KIF21A: variants seen among roughly 807,000 people sequenced by gnomAD.
The protein encoded by KIF21A is kinesin family member 21A, also known as kinesin-like protein KIF21A.
Under a neutral mutation model 202.9 loss-of-function variants are expected in KIF21A, and 114 were observed. That is an observed-to-expected ratio of 0.56 (90% CI 0.48 to 0.66). KIF21A has a LOEUF of 0.66. KIF21A is among the 30% of genes least tolerant of loss of function. KIF21A has a pLI of 0.00. For missense variants in KIF21A, 1,677 were observed against 1,994.9 expected (o/e 0.84, Z 3.04); for synonymous variants, 667 against 670.8 (o/e 0.99, Z 0.09).
chr12:39,324,329 A>G (rs1227542342), intron 26 of KIF21A, among the ~76,000 whole-genome samples: 1 of 152,160 alleles, frequency 6.6e-6, no homozygotes. Context: ...TTAGGCCACC[A>G]CTTCACATCT....
chr12:39,305,315 G>A (rs1351219993), intron 34 of KIF21A, among the ~76,000 whole-genome samples: 1 of 147,450 alleles, frequency 6.8e-6, no homozygotes, highest in East Asian at 2.1e-4. Flanking sequence ...GCAGCAAGCC[G>A]AGATTGAGCC....
intron 1 of KIF21A, among the ~76,000 whole-genome samples, chr12:39,391,951 G>A (rs1566121138): frequency 6.6e-6 from 1 of 152,122 alleles, no homozygotes; most frequent in Non-Finnish European, 1.5e-5. Flanking sequence ...TCTCGGCCAA[G>A]CTGGTCTTGA....
chr12:39,428,967 A>C (rs1334077014), intron 1 of KIF21A, among the ~76,000 whole-genome samples: 1 of 152,106 alleles, frequency 6.6e-6, no homozygotes, highest in Non-Finnish European at 1.5e-5. Context: ...AAAAAAAAAA[A>C]AAAAAGGACT....
chr12:39,299,729 A>G (rs1468442664), intron 37 of KIF21A, among the ~76,000 whole-genome samples: 11 of 152,238 alleles, frequency 7.2e-5, no homozygotes, highest in Admixed American at 7.2e-4. Flanking sequence ...AGATTGGATA[A>G]AGAAAATGTG....
intron 24 of KIF21A, 123 bp downstream of exon 24, chr12:39,330,119 A>T (rs1946380237): frequency 1.2e-6 from 1 of 848,340 alleles, no homozygotes; most frequent in East Asian, 2.5e-5. Flanking sequence ...TTCAAAAAAG[A>T]TCATGCAAAA....
At chr12:39,335,500 A>G (rs1946887829) in intron 17 of KIF21A, among the ~76,000 whole-genome samples, 1 of 151,730 alleles carries the variant, frequency 6.6e-6, no homozygotes, top group Non-Finnish European at 1.5e-5. Flanking sequence ...GACAAAATGT[A>G]GATTAGTGGC....
At chr12:39,436,661 T>C (rs1397219875) in intron 1 of KIF21A, among the ~76,000 whole-genome samples, 1 of 143,854 alleles carries the variant, frequency 7.0e-6, no homozygotes, top group Non-Finnish European at 1.5e-5. Context: ...AAGAACAAGG[T>C]AACCTCAAAA....
chr12:39,380,893 T>C (rs1769794335), intron 1 of KIF21A, among the ~76,000 whole-genome samples: 1 of 152,224 alleles, frequency 6.6e-6, no homozygotes, highest in South Asian at 2.1e-4. Context: ...TACATTCCTA[T>C]ACCAATTATA....
At chr12:39,385,793 A>T (rs572315244) in intron 1 of KIF21A, among the ~76,000 whole-genome samples, 80 of 152,330 alleles carry the variant, frequency 5.3e-4, no homozygotes, top group Non-Finnish European at 5.0e-4. Flanking sequence ...AGGTGAAGAC[A>T]TAAATTTTTA....
intron 14 of KIF21A, 52 bp downstream of exon 14, chr12:39,341,452 GT>G: frequency 6.4e-7 from 1 of 1,562,448 alleles, no homozygotes; most frequent in African/African-American, 1.4e-5. Context: ...TTCTGTCATG[GT>G]TTAAACAACT....
At chr12:39,353,525 A>C (rs980645048) in intron 10 of KIF21A, among the ~76,000 whole-genome samples, 3 of 152,116 alleles carry the variant, frequency 2.0e-5, no homozygotes, top group African/African-American at 7.2e-5. Flanking sequence ...AAGTACAAAT[A>C]ATATATTATA....
chr12:39,421,719 T>C (rs533144942), intron 1 of KIF21A, among the ~76,000 whole-genome samples: 2 of 120,506 alleles, frequency 1.7e-5, no homozygotes, highest in East Asian at 3.5e-4. Flanking sequence ...TAAATATATA[T>C]AATTTATATA....
chr12:39,351,052 C>A (rs1948331698), intron 11 of KIF21A, among the ~76,000 whole-genome samples: 1 of 151,964 alleles, frequency 6.6e-6, no homozygotes, highest in African/African-American at 2.4e-5. Context: ...TCTGACTGCA[C>A]CATAGAATCA....
At chr12:39,422,073 C>G (rs553423055) in intron 1 of KIF21A, among the ~76,000 whole-genome samples, 48 of 151,552 alleles carry the variant, frequency 3.2e-4, no homozygotes, top group African/African-American at 1.1e-3. Flanking sequence ...ATTCTCCCAC[C>G]TCAGCCTCCC....
At chr12:39,415,136 C>T (rs1953443415) in intron 1 of KIF21A, among the ~76,000 whole-genome samples, 1 of 151,122 alleles carries the variant, frequency 6.6e-6, no homozygotes, top group African/African-American at 2.4e-5. Flanking sequence ...GAGTTCCTGG[C>T]CTTTCCTTAA....
chr12:39,334,200 C>CAAAAAAAAAAAAAA (rs576176350), intron 17 of KIF21A, among the ~76,000 whole-genome samples: 1 of 63,746 alleles, frequency 1.6e-5, no homozygotes. Context: ...GACTCCATCT[C>CAAAAAAAAAAAAAA]AAAAAAAAAA....
At chr12:39,325,498 A>ATTTT (rs397714587) in intron 26 of KIF21A, among the ~76,000 whole-genome samples, 6 of 121,446 alleles carry the variant, frequency 4.9e-5, no homozygotes, top group African/African-American at 1.4e-4. Context: ...CGCCCAGCTA[A>ATTTT]TTTTTTTTTT....
chr12:39,427,297 T>C (rs1954841571), intron 1 of KIF21A, among the ~76,000 whole-genome samples: 1 of 152,264 alleles, frequency 6.6e-6, no homozygotes, highest in Non-Finnish European at 1.5e-5. Context: ...TAGTAACTTC[T>C]GCTGTGCCTA....
At chr12:39,313,569 C>G (rs532862489) in intron 31 of KIF21A, among the ~76,000 whole-genome samples, 1 of 151,818 alleles carries the variant, frequency 6.6e-6, no homozygotes, top group African/African-American at 2.4e-5. Context: ...TCATACCTAA[C>G]GAGTCAAGGT....
Sources: gnomAD v4.1 joint callset for allele counts (sites outside exome capture counted in the v4.1 genomes callset) on GRCh38, gnomAD v4.1.1 for gene constraint, MANE v1.5 for transcripts, NCBI Gene and HGNC (gene_info 2026-07-23, HGNC 2026-07-21) for gene names.